Variants in RAVER1 observed in about 807,000 individuals in gnomAD.
RAVER1 encodes the protein ribonucleoprotein, PTB binding 1.
A neutral mutation model predicts 68.4 loss-of-function variants in RAVER1; 36 were observed. The ratio of observed to expected loss-of-function variants is 0.53; its 90% CI spans 0.40 to 0.70. The LOEUF (loss-of-function observed/expected upper bound fraction) is 0.70. Among genes scored for constraint, RAVER1 ranks in the 30% least tolerant of loss-of-function variants. The pLI is 0.00. For synonymous variants in RAVER1, 469 were observed against 472.7 expected (o/e 0.99, Z 0.10); for missense variants, 933 against 1,019.8 (o/e 0.91, Z 1.16).
intron 1 of RAVER1, 138 bp from the exon 2 acceptor site, chr19:10,330,664 G>A (rs761191310): frequency 1.8e-5 from 11 of 612,910 alleles, no homozygotes; most frequent in Non-Finnish European, 2.7e-5. Flanking sequence ...ACTGAGGCTC[G>A]ATGCAGTAAT....
chr19:10,331,370 A>T (rs1322608273), intron 1 of RAVER1, among the ~76,000 whole-genome samples: 46 of 121,596 alleles, frequency 3.8e-4, no homozygotes, highest in East Asian at 2.3e-3. Flanking sequence ...AAAAAAAAAA[A>T]AAAAAAAAAA....
In RAVER1 at chr19:10,323,080, A is replaced by C. The variant is rs1015754281; in HGVS notation, c.1078+65T>G. The C allele has an allele frequency of 2.7e-5, 37 of 1,352,832 alleles. No individual in the cohort carries two copies. The highest frequency in any genetic ancestry group is 2.6e-4 in the Middle Eastern group (1 of 3,870). The allele number at this position is 1,352,832 out of a possible 1,614,324, so 83.8% of individuals were successfully genotyped here. ...GCAGCCAAGATGAGCAGTTTCGGGA[A>C]GTGCCGGGGGCAGCGCTGCAGCCCC... On this transcript the variant is annotated intron_variant, in intron 5 of 12. Transcript: ENST00000617231. This position sits in a 1 kb window ranked among gnomAD's most constrained non-coding sequence, Gnocchi z 6.2.
At position 10,333,359 on chromosome 19, in the gene RAVER1, T is replaced by G. The variant is rs549902965; in HGVS notation, c.149A>C (p.His50Pro). 6.2e-7 allele frequency: 1 copy of G among 1,613,894 alleles called. No individual in the cohort carries two copies. Among genetic ancestry groups the G allele is most frequent in the Admixed American group, 1.7e-5 (1 of 60,024 alleles). The change falls in exon 1 of 13, where the codon CAC (histidine) becomes CCC (proline). Residue 50 changes from histidine to proline, a missense_variant. By Grantham distance (77) the His-to-Pro change is moderately conservative (BLOSUM62 -2). Transcript: ENST00000617231. The surrounding 1 kb of genome is among the most constrained non-coding windows in gnomAD (Gnocchi z 4.2). ...GCGGTTACGGAACTGGCGCTCGGTG[T>G]GTTCCAGGCGTTTCCGGATCTCTTC... The part of the protein sequence containing the change: ...DPEEIRKRLE[H>P]TERQFRNRRK...
rs981501071 is a variant in RAVER1, at chr19:10,318,361, C to T, written c.1857G>A (p.Pro619=). 24 of 1,598,132 alleles carry T rather than the reference C, an allele frequency of 1.5e-5. No homozygotes were observed. Among genetic ancestry groups the T allele is most frequent in the Middle Eastern group, 1.7e-4 (1 of 6,034 alleles). The part of the protein sequence containing the change: ...HGPSRHKMSP[P]PSGFGERSSG... ...TGCTCCGTTCGCCGAAGCCACTGGG[C>T]GGGGGGGACATCTGTAGAAGAAGGG... Residue 619 remains proline, a synonymous_variant, in exon 11 of 13, where the codon CCG becomes CCA. Coordinates refer to ENST00000617231, the MANE Select transcript of RAVER1 (RefSeq NM_133452.3).
chr19:10,317,084 C>T lies in RAVER1; in HGVS notation c.*370G>A, dbSNP rs1440906581. On this transcript the variant is annotated 3_prime_UTR_variant, in exon 13 of 13. Transcript: ENST00000617231. This position sits in a 1 kb window ranked among gnomAD's most constrained non-coding sequence, Gnocchi z 4.3. Reference sequence around the variant, plus strand: ...AAAGGAGACAGTCTCTGTATCTTCACGGGAGGTCAGGGAAACCTCCAAGGC... The same window carrying T: ...AAAGGAGACAGTCTCTGTATCTTCATGGGAGGTCAGGGAAACCTCCAAGGC... 2 of 297,714 alleles carry T rather than the reference C, an allele frequency of 6.7e-6. No homozygotes were observed. The highest frequency in any genetic ancestry group is 5.1e-5 in the Admixed American group (1 of 19,602). 18.4% of individuals were successfully genotyped at this position (297,714 alleles called of 1,614,324 possible). A position where few individuals can be genotyped will look rare whatever the true frequency, so the allele number is the denominator to read the frequency against.
chr19:10,322,587 T>G lies in RAVER1; in HGVS notation c.1173+58A>C. On this transcript the variant is annotated intron_variant, in intron 6 of 12. Transcript: ENST00000617231. The surrounding 1 kb of genome is among the most constrained non-coding windows in gnomAD (Gnocchi z 4.3). ...CCCACCCCACCGATCGCACCAGCTG[T>G]GTTGAAAAGAGCCTGTAGGGGCTGT... 15 of 1,205,486 alleles carry G rather than the reference T, an allele frequency of 1.2e-5. No homozygotes were observed. Among genetic ancestry groups the G allele is most frequent in the Non-Finnish European group, 1.6e-5 (14 of 872,340 alleles). The allele number at this position is 1,205,486 out of a possible 1,614,324, so 74.7% of individuals were successfully genotyped here.
At chr19:10,319,058 A>G (rs2040415350) in intron 10 of RAVER1, 108 bp downstream of exon 10, 3 of 1,065,646 alleles carry the variant, frequency 2.8e-6, no homozygotes, top group Admixed American at 2.2e-5. Flanking sequence ...AAAACCCACA[A>G]AGAACACACA....
Position 10,321,227 on chromosome 19 carries a change from G to C in RAVER1, c.1294C>G (p.Arg432Gly). 1 of 1,270,954 alleles carries C rather than the reference G, an allele frequency of 7.9e-7. No individual in the cohort carries two copies. The allele number at this position is 1,270,954 out of a possible 1,614,324, so 78.7% of individuals were successfully genotyped here. The change falls in exon 8 of 13, where the codon CGA becomes GGA. Residue 432 changes from arginine (R) to glycine (G), a missense_variant. Arg to Gly is a moderately radical substitution (Grantham distance 125). Transcript: ENST00000617231. ...GGLPPELPPR[R>G]GKPPPLLPSV... Reference sequence around the variant, plus strand: ...GGCAGCAGGGGTGGTGGCTTCCCTCGCCGGGGCGGCAGCTCCGGGGGCAGG... The same window carrying C: ...GGCAGCAGGGGTGGTGGCTTCCCTCCCCGGGGCGGCAGCTCCGGGGGCAGG...
In RAVER1 at chr19:10,329,203, A is replaced by C; in HGVS notation, c.287-92T>G. ...CCTGCAAACCAGGTGGGACCTCCAA[A>C]TGCTGGGCATCTCAGGTGCCTGCTG... On this transcript the variant is annotated intron_variant, in intron 2 of 12. Coordinates refer to ENST00000617231, the MANE Select transcript of RAVER1 (RefSeq NM_133452.3). This position sits in a 1 kb window ranked among gnomAD's most constrained non-coding sequence, Gnocchi z 4.6. 1.3e-6 allele frequency: 1 copy of C among 784,010 alleles called. No homozygotes were observed. Among genetic ancestry groups the C allele is most frequent in the Non-Finnish European group, 2.0e-6 (1 of 497,314 alleles). 48.6% of individuals were successfully genotyped at this position (784,010 alleles called of 1,614,324 possible). A position where few individuals can be genotyped will look rare whatever the true frequency, so the allele number is the denominator to read the frequency against.
In RAVER1 at chr19:10,320,764, C is replaced by A; in HGVS notation, c.1661G>T (p.Ser554Ile). 6.7e-7 allele frequency: 1 copy of A among 1,502,780 alleles called. No individual in the cohort carries two copies. The highest frequency in any genetic ancestry group is 8.8e-7 in the Non-Finnish European group (1 of 1,135,616). 93.1% of individuals were successfully genotyped at this position (1,502,780 alleles called of 1,614,324 possible). ...TNPPAPGGGSSSSKAFQLKSR... is the reference protein window; with the variant it reads ...TNPPAPGGGSISSKAFQLKSR... ...CTTGAGCTGGAAGGCTTTGCTGCTG[C>A]TGCTGCCACCTCCAGGGGCTGGGGG... Residue 554 changes from serine to isoleucine, a missense_variant, in exon 9 of 13, where the codon AGC becomes ATC. Around this residue, in one of 3 missense-constraint regions of RAVER1, gnomAD observed 699 missense variants for 731.1 expected, o/e 0.96. Coordinates refer to ENST00000617231, the MANE Select transcript of RAVER1 (RefSeq NM_133452.3).
rs1219271939 is a variant in RAVER1, at chr19:10,320,535, T to TA, written c.1770+119dup. On this transcript the variant is annotated intron_variant, in intron 9 of 12. Transcript: ENST00000617231. ...AAAAAAAAAAAAAAAGCAGAGACCA[T>TA]ATCTGGCACGTTCCCTGCCGCCTCC... The TA allele has an allele frequency of 6.7e-6, 4 of 596,550 alleles. No homozygotes were observed. In the African/African-American group the frequency reaches 8.4e-5, roughly 13 times the overall value. The allele number at this position is 596,550 out of a possible 1,614,324, so 37.0% of individuals were successfully genotyped here.
In RAVER1 at chr19:10,317,553, C is replaced by T. The variant is rs765019337; in HGVS notation, c.2121G>A (p.Ser707=). The T allele has an allele frequency of 3.7e-6, 6 of 1,612,824 alleles. No individual in the cohort carries two copies. The highest frequency in any genetic ancestry group is 1.7e-4 in the Middle Eastern group (1 of 5,946). The change falls in exon 13 of 13, where the codon TCG becomes TCA. Residue 707 remains serine, a synonymous_variant. Transcript: ENST00000617231. The surrounding 1 kb of genome is among the most constrained non-coding windows in gnomAD (Gnocchi z 4.3). ...AGCTGCCTTCTGGGCTGGGCTCGGG[C>T]GAGGGCAGCAGGTGGGCAAAGCTGC... ...QKRSFAHLLP[S]PEPSPEGSYV... is the part of the protein sequence containing the mutation.
intron 1 of RAVER1, among the ~76,000 whole-genome samples, chr19:10,332,861 G>A (rs765234323): frequency 2.0e-5 from 3 of 152,140 alleles, no homozygotes; most frequent in East Asian, 3.9e-4. Flanking sequence ...GTGATATGGA[G>A]GGGCGTACTC....
At position 10,322,691 on chromosome 19, in the gene RAVER1, A is replaced by C; in HGVS notation, c.1127T>G (p.Leu376Arg). 6.5e-7 allele frequency: 1 copy of C among 1,536,054 alleles called. No homozygotes were observed. The highest frequency in any genetic ancestry group is 8.7e-7 in the Non-Finnish European group (1 of 1,152,234). Residue 376 changes from leucine to arginine, a missense_variant, in exon 6 of 13, where the codon CTG (leucine) becomes CGG (arginine). By Grantham distance (102) the Leu-to-Arg change is moderately radical (BLOSUM62 -2). This residue lies in a region of RAVER1 where 699 missense variants were observed against 731.1 expected (regional missense o/e 0.96). Transcript: ENST00000617231. The surrounding 1 kb of genome is among the most constrained non-coding windows in gnomAD (Gnocchi z 4.3). ...GGCGAGCTGCAACAGCGCCGTGGAC[A>C]GGGCTGGCCCATTGAGCAGCGGCAT... ...PAMPLLNGPA[L>R]STALLQLALQ...
At chr19:10,327,059 C>T (rs1237129209) in intron 3 of RAVER1, among the ~76,000 whole-genome samples, 1 of 150,786 alleles carries the variant, frequency 6.6e-6, no homozygotes, top group Non-Finnish European at 1.5e-5. Context: ...CATGAGCCAC[C>T]TCACCCAGCC....
chr19:10,321,280 T>C, intron 7 of RAVER1, 21 bp from the exon 8 acceptor site: 2 of 1,208,318 alleles, frequency 1.7e-6, no homozygotes, highest in Non-Finnish European at 2.1e-6. Flanking sequence ...AAGGAGGATT[T>C]CAGGGGCCCA....
chr19:10,323,287 A>C lies in RAVER1; in HGVS notation c.949-13T>G, dbSNP rs1473977663. On this transcript the variant is annotated splice_polypyrimidine_tract_variant and intron_variant, in intron 4 of 12. Transcript: ENST00000617231. This position sits in a 1 kb window ranked among gnomAD's most constrained non-coding sequence, Gnocchi z 6.2. ...CCCGATTGAGGGCCTGCAGGAAGGAACAGAAGCAGCTCAGAGTGCCGCTGG... is the reference window on the plus strand; with the variant it reads ...CCCGATTGAGGGCCTGCAGGAAGGACCAGAAGCAGCTCAGAGTGCCGCTGG... The C allele has an allele frequency of 6.2e-7, 1 of 1,613,134 alleles. No homozygotes were observed. Among genetic ancestry groups the C allele is most frequent in the East Asian group, 2.2e-5 (1 of 44,882 alleles).
Position 10,317,648 on chromosome 19 carries a change from CG to C in RAVER1, c.2073+41del. Reference sequence around the variant, plus strand: ...GGCGGGTCAGGGGCCGCTGGGGGGCCGGGGCTTCCCAGCCCTGCATGTCCCC... The same window carrying C: ...GGCGGGTCAGGGGCCGCTGGGGGGCCGGGCTTCCCAGCCCTGCATGTCCCC... On this transcript the variant is annotated intron_variant, in intron 12 of 12. Transcript: ENST00000617231. This position sits in a 1 kb window ranked among gnomAD's most constrained non-coding sequence, Gnocchi z 4.3. 6.5e-7 allele frequency: 1 copy of C among 1,538,332 alleles called. No individual in the cohort carries two copies. Among genetic ancestry groups the C allele is most frequent in the Non-Finnish European group, 8.8e-7 (1 of 1,133,430 alleles).
At chr19:10,319,267 G>A (rs759698616) in intron 9 of RAVER1, 27 bp from the exon 10 acceptor site, 1 of 1,610,320 alleles carries the variant, frequency 6.2e-7, no homozygotes, top group South Asian at 1.1e-5. Context: ...GAAGCACATT[G>A]GGTTGGAGTC....
Sources: gnomAD v4.1 joint callset for allele counts (sites outside exome capture counted in the v4.1 genomes callset) on GRCh38, gnomAD v4.1.1 for gene constraint, gnomAD v4.1.1 regional missense constraint, Gnocchi (gnomAD v3.1) non-coding constraint, MANE v1.5 for transcripts, NCBI Gene and HGNC (gene_info 2026-07-23, HGNC 2026-07-21) for gene names.